The following HEG1 variants were observed in gnomAD, a reference collection of about 807,000 sequenced individuals.
The protein encoded by HEG1 is heart development protein with EGF like domains 1, also known as protein HEG homolog 1.
HEG1 carries 56 observed loss-of-function variants against 125.6 expected under a neutral mutation model. The observed-to-expected ratio is 0.45, with a 90% CI of 0.36 to 0.56. The LOEUF (loss-of-function observed/expected upper bound fraction) is 0.56. Among genes scored for constraint, HEG1 ranks in the 20% least tolerant of loss-of-function variants. The probability of loss-of-function intolerance (pLI) is 0.00; values close to 1 mark genes in which losing one functional copy is unlikely to be tolerated. For missense variants in HEG1, 1,523 were observed against 1,670.0 expected, an observed-to-expected ratio of 0.91 and a Z score of 1.53; for synonymous variants, 644 against 668.5, an observed-to-expected ratio of 0.96 and a Z score of 0.57.
intron 8 of HEG1, among the ~76,000 whole-genome samples, chr3:125,006,446 TAACTC>T (rs1304436362): frequency 6.6e-6 from 1 of 152,100 alleles, no homozygotes; most frequent in African/African-American, 2.4e-5. Flanking sequence ...GGAAAACAAA[TAACTC>T]AAGACACAGA....
Position 124,970,584 on chromosome 3 carries a change from G to C in HEG1, c.*68C>G. The C allele has an allele frequency of 7.0e-7, 1 of 1,428,820 alleles. No homozygotes were observed. The highest frequency in any genetic ancestry group is 9.6e-7 in the Non-Finnish European group (1 of 1,045,344). 88.5% of individuals were successfully genotyped at this position (1,428,820 alleles called of 1,614,324 possible). A position where few individuals can be genotyped will look rare whatever the true frequency, so the allele number is the denominator to read the frequency against. On this transcript the variant is annotated 3_prime_UTR_variant, in exon 17 of 17. Coordinates refer to ENST00000311127, the MANE Select transcript of HEG1 (RefSeq NM_020733.2). Reference sequence around the variant, plus strand: ...CGACAAATCCTGGGCGCAGCCTCCTGGTGCGGTCCTCTGAGCAGAGGTCCC... The same window carrying C: ...CGACAAATCCTGGGCGCAGCCTCCTCGTGCGGTCCTCTGAGCAGAGGTCCC...
intron 14 of HEG1, among the ~76,000 whole-genome samples, chr3:124,987,735 C>T (rs1475024520): frequency 6.6e-6 from 1 of 150,544 alleles, no homozygotes; most frequent in Non-Finnish European, 1.5e-5. Context: ...TTAGCCAGGA[C>T]GGTCTCAATC....
At chr3:125,006,465 C>T (rs931542493) in intron 8 of HEG1, among the ~76,000 whole-genome samples, 44 of 152,292 alleles carry the variant, frequency 2.9e-4, no homozygotes, top group African/African-American at 1.0e-3. Flanking sequence ...ACACAGAAGT[C>T]CATGAAGCTG....
chr3:125,034,641 A>C (rs970659369), intron 1 of HEG1, among the ~76,000 whole-genome samples: 2 of 152,108 alleles, frequency 1.3e-5, no homozygotes, highest in African/African-American at 4.8e-5. Context: ...CTACAAAAAA[A>C]TAAACAAAAT....
intron 4 of HEG1, among the ~76,000 whole-genome samples, chr3:125,020,101 G>T (rs1937313704): frequency 6.6e-6 from 1 of 152,224 alleles, no homozygotes; most frequent in Non-Finnish European, 1.5e-5. Context: ...GCAGAAAGAT[G>T]ATCTGTACAC....
At chr3:125,024,320 A>G (rs949667700) in intron 3 of HEG1, among the ~76,000 whole-genome samples, 2 of 152,202 alleles carry the variant, frequency 1.3e-5, no homozygotes, top group African/African-American at 4.8e-5. Context: ...TCTGAAAACA[A>G]TTGCATGCCC....
intron 14 of HEG1, among the ~76,000 whole-genome samples, chr3:124,985,827 G>T (rs761536864): frequency 2.0e-5 from 3 of 152,218 alleles, no homozygotes; most frequent in Non-Finnish European, 2.9e-5. Context: ...GCCCAGGCTG[G>T]AGTGCAATAG....
At chr3:125,050,462 C>T (rs1937779310) in intron 1 of HEG1, among the ~76,000 whole-genome samples, 1 of 152,168 alleles carries the variant, frequency 6.6e-6, no homozygotes, top group Non-Finnish European at 1.5e-5. Flanking sequence ...ACCTCCCTGT[C>T]TATCCACATC....
intron 14 of HEG1, among the ~76,000 whole-genome samples, chr3:124,988,578 T>C (rs1936781338): frequency 6.6e-6 from 1 of 151,886 alleles, no homozygotes; most frequent in Non-Finnish European, 1.5e-5. Context: ...TTCTAAAGAG[T>C]ACAGGGTTGT....
rs567374530 is a variant in HEG1 at position 125,040,280 on chromosome 3, C to T, written c.317-10792G>A. On this transcript the variant is annotated intron_variant, in intron 1 of 16. Transcript: ENST00000311127. ...AAATCAAGGATCAAGGACTGATTCC[C>T]GGGAAAACTTGAATGTAGAGACAGG... Among the ~76,000 whole-genome samples, 14 of 152,142 alleles carry T rather than the reference C, an allele frequency of 9.2e-5. No homozygotes were observed. In the South Asian group the frequency reaches 2.1e-3, roughly 23 times the overall value.
chr3:124,975,407 T>A (rs953662678), intron 15 of HEG1, among the ~76,000 whole-genome samples: 7 of 152,154 alleles, frequency 4.6e-5, no homozygotes, highest in African/African-American at 1.7e-4. Flanking sequence ...CTCTTCCTTT[T>A]CCAATAGAAA....
chr3:124,997,592 C>T (rs139505320), intron 12 of HEG1, 97 bp downstream of exon 12: 180 of 1,243,530 alleles, frequency 1.4e-4, no homozygotes, highest in Middle Eastern at 2.2e-4. Context: ...AGAATGGTCA[C>T]GCCTAAGCAA....
chr3:125,045,208 G>GAA (rs779295896), intron 1 of HEG1, among the ~76,000 whole-genome samples: 7 of 152,212 alleles, frequency 4.6e-5, no homozygotes, highest in African/African-American at 7.2e-5. Flanking sequence ...TGAAGGCACA[G>GAA]AACTGGACTG....
intron 3 of HEG1, among the ~76,000 whole-genome samples, chr3:125,022,188 ACT>A: frequency 6.6e-6 from 1 of 152,230 alleles, no homozygotes; most frequent in East Asian, 1.9e-4. Flanking sequence ...GGTGGGTAAG[ACT>A]AAAGTCACAA....
At chr3:125,050,045 T>C (rs1327857737) in intron 1 of HEG1, among the ~76,000 whole-genome samples, 1 of 152,206 alleles carries the variant, frequency 6.6e-6, no homozygotes, top group Admixed American at 6.5e-5. Flanking sequence ...TCAAGTCCTT[T>C]TCTCCAGCCT....
In HEG1 at chr3:125,012,854, C is replaced by T. The variant is rs961642340; in HGVS notation, c.2725G>A (p.Asp909Asn). 6.2e-7 allele frequency: 1 copy of T among 1,613,880 alleles called. No homozygotes were observed. The highest frequency in any genetic ancestry group is 1.3e-5 in the African/African-American group (1 of 74,926). The change falls in exon 6 of 17, where the codon GAT (aspartate) becomes AAT (asparagine). Residue 909 changes from aspartate to asparagine, a missense_variant. Transcript: ENST00000311127. The stretch of plus-strand genomic sequence containing the variant: ...AAAGGGATCAATCCAGTGGTAGCAT[C>T]CACAATCACTCGGTTCCTTTCTGTG... ...ISTERNRVIVDATTGLIPLTS... is the reference protein window; with the variant it reads ...ISTERNRVIVNATTGLIPLTS...
intron 3 of HEG1, among the ~76,000 whole-genome samples, chr3:125,025,069 T>C (rs1277593640): frequency 6.6e-6 from 1 of 152,268 alleles, no homozygotes; most frequent in Admixed American, 6.5e-5. Context: ...TGGCAGGTCC[T>C]GCTGGCTCTC....
In HEG1 at chr3:124,990,731, C is replaced by T; in HGVS notation, c.3733+56G>A. Reference sequence around the variant, plus strand: ...GTGGGAGGAGACTGACACCTGTGCACTAACAACAGGGCCAGGCCCCTGCCC... The same window carrying T: ...GTGGGAGGAGACTGACACCTGTGCATTAACAACAGGGCCAGGCCCCTGCCC... On this transcript the variant is annotated intron_variant, in intron 14 of 16. Transcript: ENST00000311127. 5 of 1,519,476 alleles carry T rather than the reference C, an allele frequency of 3.3e-6. No individual in the cohort carries two copies. The South Asian group carries it at 3.6e-5, about 11-fold the overall frequency. 94.1% of individuals were successfully genotyped at this position (1,519,476 alleles called of 1,614,324 possible).
At chr3:124,987,748 C>T (rs957150618) in intron 14 of HEG1, among the ~76,000 whole-genome samples, 4 of 150,802 alleles carry the variant, frequency 2.7e-5, no homozygotes, top group Non-Finnish European at 1.5e-5. Context: ...TCTCAATCTC[C>T]TGACCTCGTG....
Sources: allele counts gnomAD v4.1 joint callset (sites outside exome capture counted in the v4.1 genomes callset), GRCh38; gene constraint gnomAD v4.1.1; transcripts MANE v1.5; gene names NCBI Gene and HGNC (gene_info 2026-07-23, HGNC 2026-07-21).